The following EMILIN2 variants were observed in gnomAD, a reference collection of about 807,000 sequenced individuals.
EMILIN2 encodes elastin microfibril interfacer 2, also known as EMILIN-2.
Under a neutral mutation model 87.1 loss-of-function variants are expected in EMILIN2, and 71 were observed. That is an observed-to-expected ratio of 0.82 (90% CI 0.67 to 0.99). EMILIN2 has a LOEUF of 0.99. Among genes scored for constraint, EMILIN2 ranks in the 50% least tolerant of loss-of-function variants. The pLI is 0.00. For missense variants in EMILIN2, 1,407 were observed against 1,371.8 expected, an observed-to-expected ratio of 1.03 and a Z score of -0.40; for synonymous variants, 581 against 563.4, an observed-to-expected ratio of 1.03 and a Z score of -0.44.
At chr18:2,899,575 G>A (rs371019042) in intron 4 of EMILIN2, among the ~76,000 whole-genome samples, 1 of 151,862 alleles carries the variant, frequency 6.6e-6, no homozygotes, top group Non-Finnish European at 1.5e-5. Flanking sequence ...CACAATCTCG[G>A]CTCACTGCAA....
chr18:2,910,670 C>T (rs533332918), intron 7 of EMILIN2, among the ~76,000 whole-genome samples: 1 of 152,140 alleles, frequency 6.6e-6, no homozygotes, highest in Non-Finnish European at 1.5e-5. Context: ...TTCAGGGAGG[C>T]CTTGCCACCC....
rs1441041239 is a variant in EMILIN2, at chr18:2,890,489, G to T, written c.434-72G>T. ...TGTACATGTATTTTGTAGGTACCTT[G>T]TTTATTGTCTTGGCAGAATCTGGCT... is the stretch of plus-strand genomic sequence containing the variant. On this transcript the variant is annotated intron_variant, in intron 3 of 7. Coordinates refer to ENST00000254528, the MANE Select transcript of EMILIN2 (RefSeq NM_032048.3). This position sits in a 1 kb window ranked among gnomAD's most constrained non-coding sequence, Gnocchi z 4.7. The T allele has an allele frequency of 6.7e-7, 1 of 1,502,136 alleles. No homozygotes were observed. The allele number at this position is 1,502,136 out of a possible 1,614,324, so 93.1% of individuals were successfully genotyped here.
At position 2,901,500 on chromosome 18, in the gene EMILIN2, C is replaced by T. The variant is rs189906301; in HGVS notation, c.2360-5283C>T. Among the ~76,000 whole-genome samples the T allele has an allele frequency of 3.7e-3, 557 of 152,208 alleles. 5 individuals carry two copies. The highest frequency in any genetic ancestry group is 3.8e-3 in the Non-Finnish European group (260 of 68,006). On this transcript the variant is annotated intron_variant, in intron 4 of 7. Transcript: ENST00000254528. The stretch of plus-strand genomic sequence containing the variant: ...GAAATTGACTTTTAATAGGAGCTTT[C>T]GAGGAGAGGGAATGGCCTTTAATCC...
At chr18:2,856,587 G>A (rs1029288991) in intron 2 of EMILIN2, among the ~76,000 whole-genome samples, 8 of 152,120 alleles carry the variant, frequency 5.3e-5, no homozygotes, top group South Asian at 2.1e-4. Flanking sequence ...AGTAGGTGCC[G>A]CATCCAACAG....
intron 3 of EMILIN2, among the ~76,000 whole-genome samples, chr18:2,887,211 A>C (rs1305458685): frequency 6.6e-6 from 1 of 152,098 alleles, no homozygotes; most frequent in East Asian, 1.9e-4. Flanking sequence ...TGCTAAAAAA[A>C]CACCAAAACT....
intron 7 of EMILIN2, among the ~76,000 whole-genome samples, chr18:2,912,814 C>T (rs2076947519): frequency 6.6e-6 from 1 of 152,178 alleles, no homozygotes; most frequent in South Asian, 2.1e-4. Flanking sequence ...TTAGGTGCTT[C>T]CAATAAGGAA....
intron 2 of EMILIN2, among the ~76,000 whole-genome samples, chr18:2,867,130 C>T (rs993312186): frequency 6.6e-6 from 1 of 152,058 alleles, no homozygotes; most frequent in African/African-American, 2.4e-5. Context: ...CATCTATGTT[C>T]ATCAGGGATA....
intron 2 of EMILIN2, among the ~76,000 whole-genome samples, chr18:2,861,553 C>G (rs1013623174): frequency 2.6e-5 from 4 of 152,074 alleles, no homozygotes; most frequent in African/African-American, 9.7e-5. Context: ...AGATATGCAG[C>G]ATTATTTCTG....
At chr18:2,858,522 CAT>C (rs202158489) in intron 2 of EMILIN2, among the ~76,000 whole-genome samples, 908 of 45,064 alleles carry the variant, frequency 0.02, 11 homozygotes, top group Middle Eastern at 0.026. Flanking sequence ...AGTATTCCAT[CAT>C]ATATATATAT....
intron 2 of EMILIN2, among the ~76,000 whole-genome samples, chr18:2,861,046 G>T (rs62074989): frequency 3.3e-5 from 5 of 152,030 alleles, no homozygotes; most frequent in African/African-American, 7.3e-5. Context: ...TTTTGAGAAG[G>T]GTCTGTTCAT....
intron 4 of EMILIN2, among the ~76,000 whole-genome samples, chr18:2,905,718 T>C (rs564374694): frequency 2.4e-4 from 37 of 151,224 alleles, no homozygotes; most frequent in Admixed American, 2.2e-3. Context: ...TTCTCCTGCC[T>C]CAGCCTCCCG....
At chr18:2,903,106 T>C (rs1179064008) in intron 4 of EMILIN2, among the ~76,000 whole-genome samples, 3 of 135,722 alleles carry the variant, frequency 2.2e-5, no homozygotes, top group Non-Finnish European at 4.7e-5. Flanking sequence ...AAGAAACTAG[T>C]GGGGAGGAAG....
rs1219692173 is a variant in EMILIN2, at chr18:2,914,824, A to G, written c.*1420A>G. On this transcript the variant is annotated 3_prime_UTR_variant, in exon 8 of 8. Transcript: ENST00000254528. ...ACAGCTAGGAAGACCAGCAAGAACTAAAGGTTTGCCGTTTTACTATTTAAA... is the reference window on the plus strand; with the variant it reads ...ACAGCTAGGAAGACCAGCAAGAACTGAAGGTTTGCCGTTTTACTATTTAAA... The G allele has an allele frequency of 1.3e-5, 2 of 152,218 alleles. No individual in the cohort carries two copies. Among genetic ancestry groups the G allele is most frequent in the African/African-American group, 4.8e-5 (2 of 41,462 alleles). The allele number at this position is 152,218 out of a possible 1,614,324, so 9.4% of individuals were successfully genotyped here.
At chr18:2,853,468 T>C (rs1464191065) in intron 2 of EMILIN2, among the ~76,000 whole-genome samples, 1 of 151,552 alleles carries the variant, frequency 6.6e-6, no homozygotes, top group Non-Finnish European at 1.5e-5. Context: ...TCGGAGTGAC[T>C]TGGAATTCTT....
chr18:2,863,759 A>T lies in EMILIN2; in HGVS notation c.257+15828A>T, dbSNP rs549328889. On this transcript the variant is annotated intron_variant, in intron 2 of 7. Coordinates refer to ENST00000254528, the MANE Select transcript of EMILIN2 (RefSeq NM_032048.3). ...GTCCACTTGGTGCAGAGCTGAGTTC[A>T]ATTCCTGGATATCCTTCTTAACTTT... 2.0e-5 allele frequency among the ~76,000 whole-genome samples: 3 copies of T among 152,304 alleles called. No homozygotes were observed. In the East Asian group the frequency reaches 5.8e-4, roughly 29 times the overall value.
At position 2,892,063 on chromosome 18, in the gene EMILIN2, G is replaced by A. The variant is rs760731410; in HGVS notation, c.1936G>A (p.Val646Met). 6.2e-6 allele frequency: 10 copies of A among 1,614,098 alleles called. No individual in the cohort carries two copies. The highest frequency in any genetic ancestry group is 2.7e-5 in the African/African-American group (2 of 74,930). ...ENAGMGRFTK[V>M]GEQERTVDTL... ...CGCTGGCATGGGTAGGTTCACTAAG[G>A]TGGGTGAGCAAGAAAGGACAGTGGA... The change falls in exon 4 of 8, where the codon GTG becomes ATG. Residue 646 changes from valine to methionine, a missense_variant. Physicochemically the swap from Val to Met is conservative, Grantham distance 21. Coordinates refer to ENST00000254528, the MANE Select transcript of EMILIN2 (RefSeq NM_032048.3).
chr18:2,846,916 G>A (rs1448290537), upstream of EMILIN2: 1 of 990,430 alleles, frequency 1.0e-6, no homozygotes, highest in Non-Finnish European at 1.2e-6. This position sits in a 1 kb window ranked among gnomAD's most constrained non-coding sequence, Gnocchi z 5.3. Flanking sequence ...GTCACGTTTC[G>A]GAGAGGGAAG....
chr18:2,890,668 GA>G lies in EMILIN2; in HGVS notation c.545del (p.Lys182ArgfsTer6). ...DPKEGPQELQEKKIQVLEEKV... is the reference protein window; with the variant it reads ...DPKEGPQELQXKKIQVLEEKV... ...AAAAGAGGGGCCTCAGGAACTTCAG[GA>G]AAAGAAGATACAGGTGCTAGAGGAG... On this transcript the variant is annotated frameshift_variant, in exon 4 of 8. Coordinates refer to ENST00000254528, the MANE Select transcript of EMILIN2 (RefSeq NM_032048.3). LOFTEE classifies it high-confidence loss of function. This position sits in a 1 kb window ranked among gnomAD's most constrained non-coding sequence, Gnocchi z 4.7. The G allele has an allele frequency of 1.2e-6, 2 of 1,614,124 alleles. No individual in the cohort carries two copies. The highest frequency in any genetic ancestry group is 1.7e-6 in the Non-Finnish European group (2 of 1,180,002).
chr18:2,868,745 A>G (rs1412203891), intron 2 of EMILIN2, among the ~76,000 whole-genome samples: 2 of 152,242 alleles, frequency 1.3e-5, no homozygotes, highest in Non-Finnish European at 2.9e-5. Context: ...AGATGGCAGC[A>G]GCACAGTCCA....
Sources: allele counts gnomAD v4.1 joint callset (sites outside exome capture counted in the v4.1 genomes callset), GRCh38; gene constraint gnomAD v4.1.1; non-coding constraint Gnocchi (gnomAD v3.1); transcripts MANE v1.5; gene names NCBI Gene and HGNC (gene_info 2026-07-23, HGNC 2026-07-21).